Variants in AR observed in about 807,000 individuals in gnomAD.
The protein encoded by AR is dihydrotestosterone receptor.
AR carries 8 observed loss-of-function variants against 53.9 expected under a neutral mutation model. That is an observed-to-expected ratio of 0.15 (90% CI 0.09 to 0.27). AR has a LOEUF of 0.27. Among genes scored for constraint, AR ranks in the 10% least tolerant of loss-of-function variants. The pLI, the probability that AR is intolerant of heterozygous loss-of-function variation, is 1.00. For missense variants in AR, 639 were observed against 742.5 expected (o/e 0.86, Z 1.62); for synonymous variants, 359 against 316.4 (o/e 1.13, Z -1.43).
intron 6 of AR, among the ~76,000 whole-genome samples, chrX:67,722,447 C>G (rs2076139838): frequency 8.9e-6 from 1 of 112,081 alleles, no homozygotes; most frequent in Non-Finnish European, 1.9e-5. Context: ...TAAGAGCCCT[C>G]TCTTAGCCCC....
intron 1 of AR, among the ~76,000 whole-genome samples, chrX:67,553,034 G>A (rs1322767778): frequency 9.0e-6 from 1 of 110,774 alleles, no homozygotes; most frequent in Non-Finnish European, 1.9e-5. Context: ...ATGGTATCTA[G>A]ATTGAAGCAC....
intron 1 of AR, among the ~76,000 whole-genome samples, chrX:67,579,826 T>C (rs1318518906): frequency 1.8e-5 from 2 of 111,825 alleles, no homozygotes; most frequent in Admixed American, 1.9e-4. Flanking sequence ...TAAGTAGGTT[T>C]GTTTTCCTCC....
intron 2 of AR, among the ~76,000 whole-genome samples, chrX:67,682,175 A>C (rs192004924): frequency 8.9e-5 from 10 of 112,074 alleles, no homozygotes; most frequent in African/African-American, 2.9e-4. Flanking sequence ...TCTGTTTAAC[A>C]TAGTACTGGA....
intron 2 of AR, among the ~76,000 whole-genome samples, chrX:67,646,979 C>G (rs1926088194): frequency 9.0e-6 from 1 of 110,949 alleles, no homozygotes; most frequent in Non-Finnish European, 1.9e-5. Context: ...ACTCAGGACT[C>G]AGATTTTCTC....
chrX:67,590,570 T>G (rs1157177062), intron 1 of AR, among the ~76,000 whole-genome samples: 1 of 112,245 alleles, frequency 8.9e-6, no homozygotes, highest in East Asian at 2.8e-4. Context: ...AATGAGATTA[T>G]GATTTTGAAA....
chrX:67,701,934 G>T (rs1157930584), intron 3 of AR, among the ~76,000 whole-genome samples: 1 of 111,426 alleles, frequency 9.0e-6, no homozygotes, highest in Non-Finnish European at 1.9e-5. Context: ...GAAGTTTGGA[G>T]TCAAGGGTGA....
At chrX:67,587,516 T>G (rs1363210391) in intron 1 of AR, among the ~76,000 whole-genome samples, 1 of 111,779 alleles carries the variant, frequency 8.9e-6, no homozygotes, top group Non-Finnish European at 1.9e-5. Context: ...TCTACATGGA[T>G]AGACATTTTC....
At chrX:67,632,679 A>T (rs955541418) in intron 1 of AR, among the ~76,000 whole-genome samples, 10 of 112,210 alleles carry the variant, frequency 8.9e-5, no homozygotes, top group African/African-American at 2.6e-4. Flanking sequence ...AAAATTGTTA[A>T]ATTGGACTTC....
chrX:67,674,559 T>TA (rs2075887680), intron 2 of AR, among the ~76,000 whole-genome samples: 1 of 109,585 alleles, frequency 9.1e-6, no homozygotes, highest in Non-Finnish European at 1.9e-5. Context: ...AGCAAAGGAG[T>TA]CTCTCCCTGT....
In AR at chrX:67,629,852, G is replaced by C. The variant is rs1309868620; in HGVS notation, c.1617-13404G>C. On this transcript the variant is annotated intron_variant, in intron 1 of 7. Transcript: ENST00000374690. ...GGTATGTTGTGTCTTTGTTCTCTTTGGTTTCAAAGAACATCTTTATTTCTG... is the reference window on the plus strand; with the variant it reads ...GGTATGTTGTGTCTTTGTTCTCTTTCGTTTCAAAGAACATCTTTATTTCTG... 4.5e-5 allele frequency among the ~76,000 whole-genome samples: 5 copies of C among 110,855 alleles called. No homozygotes were observed. The Admixed American group carries it at 4.8e-4, about 11-fold the overall frequency.
At chrX:67,652,491 A>T (rs1436306792) in intron 2 of AR, among the ~76,000 whole-genome samples, 1 of 112,422 alleles carries the variant, frequency 8.9e-6, no homozygotes, top group Non-Finnish European at 1.9e-5. Context: ...AATCTGGTCA[A>T]ACCATTTCAT....
chrX:67,722,281 A>T lies in AR; in HGVS notation c.2449+318A>T. 1.1e-5 allele frequency: 3 copies of T among 277,647 alleles called. No homozygotes were observed. In the South Asian group the frequency reaches 1.5e-4, roughly 13 times the overall value. 22.9% of individuals were successfully genotyped at this position (277,647 alleles called of 1,213,427 possible). On this transcript the variant is annotated intron_variant, in intron 6 of 7. Transcript: ENST00000374690. ...TTTTTCCATAGCTTCTGCTATAGAA[A>T]CAGACATGGGCCACCTTGTATTCTT...
intron 2 of AR, among the ~76,000 whole-genome samples, chrX:67,672,071 A>T (rs2075868765): frequency 9.0e-6 from 1 of 111,267 alleles, no homozygotes; most frequent in Admixed American, 9.6e-5. Flanking sequence ...GCTTTTGCCT[A>T]TTCAGTATGA....
intron 1 of AR, among the ~76,000 whole-genome samples, chrX:67,570,115 T>A (rs1052897316): frequency 1.8e-5 from 2 of 112,300 alleles, no homozygotes; most frequent in South Asian, 7.4e-4. Context: ...ACTGTCTGTG[T>A]TTGCAGTCAG....
intron 2 of AR, among the ~76,000 whole-genome samples, chrX:67,682,086 A>T (rs761301343): frequency 9.0e-6 from 1 of 111,687 alleles, no homozygotes; most frequent in South Asian, 3.8e-4. Context: ...CAACACAATA[A>T]AGGCCATATC....
At chrX:67,626,632 A>T (rs111228493) in intron 1 of AR, among the ~76,000 whole-genome samples, 214 of 99,510 alleles carry the variant, frequency 2.2e-3, no homozygotes, top group African/African-American at 7.3e-3. Flanking sequence ...ATATATATAT[A>T]TATTTATTAT....
Position 67,723,947 on chromosome X carries a change from T to A in AR, c.*106T>A. ...CTCTGCAGTGCCTTGGGGAATTTCC[T>A]CTATTGATGTACAGTCTGTCATGAA... On this transcript the variant is annotated 3_prime_UTR_variant, in exon 8 of 8. Coordinates refer to ENST00000374690, the MANE Select transcript of AR (RefSeq NM_000044.6). 9.9e-7 allele frequency: 1 copy of A among 1,013,983 alleles called. No individual in the cohort carries two copies. Among genetic ancestry groups the A allele is most frequent in the Non-Finnish European group, 1.4e-6 (1 of 728,078 alleles). The allele number at this position is 1,013,983 out of a possible 1,213,427, so 83.6% of individuals were successfully genotyped here.
chrX:67,630,197 A>G (rs1261221800), intron 1 of AR, among the ~76,000 whole-genome samples: 2 of 110,076 alleles, frequency 1.8e-5, no homozygotes, highest in African/African-American at 3.3e-5. Flanking sequence ...TATCCTTGTT[A>G]ACTTTCTGTC....
At chrX:67,723,356 G>GTGTGTGTC (rs1262377157) in intron 7 of AR, among the ~76,000 whole-genome samples, 1 of 95,431 alleles carries the variant, frequency 1.0e-5, no homozygotes, top group Admixed American at 1.1e-4. Flanking sequence ...GTGTGTGTCA[G>GTGTGTGTC]AGAGAGAGAG....
Sources: gnomAD v4.1 joint callset for allele counts (sites outside exome capture counted in the v4.1 genomes callset) on GRCh38, gnomAD v4.1.1 for gene constraint, MANE v1.5 for transcripts, NCBI Gene and HGNC (gene_info 2026-07-23, HGNC 2026-07-21) for gene names.